STK32C: variants seen among roughly 807,000 people sequenced by gnomAD.
The protein encoded by STK32C is serine/threonine kinase 32C, also known as serine/threonine-protein kinase 32C.
STK32C carries 31 observed loss-of-function variants against 56.5 expected under a neutral mutation model. The observed-to-expected ratio is 0.55, with a 90% CI of 0.41 to 0.74. The LOEUF is 0.74. Among genes scored for constraint, STK32C ranks in the 30% least tolerant of loss-of-function variants. The pLI is 0.00. For missense variants in STK32C, 544 were observed against 676.9 expected, an observed-to-expected ratio of 0.80 and a Z score of 2.18; for synonymous variants, 309 against 289.4, an observed-to-expected ratio of 1.07 and a Z score of -0.69.
chr10:132,268,617 A>G (rs2064691523), intron 1 of STK32C, among the ~76,000 whole-genome samples: 1 of 137,338 alleles, frequency 7.3e-6, no homozygotes, highest in African/African-American at 2.8e-5. Flanking sequence ...GTGTGCATGC[A>G]TGTCCCACAT....
intron 10 of STK32C, among the ~76,000 whole-genome samples, chr10:132,214,971 T>C (rs979243919): frequency 1.3e-5 from 2 of 152,192 alleles, no homozygotes; most frequent in Non-Finnish European, 2.9e-5. Context: ...GAACAATAAA[T>C]AGACTACAGT....
chr10:132,308,059 G>A, upstream of STK32C: 1 of 645,946 alleles, frequency 1.5e-6, no homozygotes, highest in Non-Finnish European at 1.9e-6. Context: ...TCGAGGCGGA[G>A]CTGAGCGCCG....
intron 10 of STK32C, among the ~76,000 whole-genome samples, chr10:132,220,246 C>T (rs937968106): frequency 3.3e-5 from 5 of 152,332 alleles, no homozygotes; most frequent in African/African-American, 9.6e-5. Flanking sequence ...GCCGACCCCA[C>T]GCGGCAGCGA....
intron 1 of STK32C, chr10:132,249,114 C>CCGGGGCGGGGCTGTGGCGT (rs762265409): frequency 3.0e-4 from 141 of 465,236 alleles, no homozygotes; most frequent in Non-Finnish European, 4.9e-4. Context: ...CGCATGCGTG[C>CCGGGGCGGGGCTGTGGCGT]CGGGGCGGGG....
At chr10:132,254,138 T>C (rs2064018977) in intron 1 of STK32C, among the ~76,000 whole-genome samples, 2 of 151,962 alleles carry the variant, frequency 1.3e-5, no homozygotes, top group Non-Finnish European at 2.9e-5. Flanking sequence ...TGAAACCCCG[T>C]CTCTACTAAA....
intron 1 of STK32C, among the ~76,000 whole-genome samples, chr10:132,254,752 C>T (rs2818404): frequency 0.49 from 43,499 of 89,524 alleles, 13,261 homozygotes; most frequent in East Asian, 0.64. Flanking sequence ...TGCCGCAGGG[C>T]GCCGGGAATC....
intron 10 of STK32C, among the ~76,000 whole-genome samples, chr10:132,214,172 C>A (rs2062399026): frequency 6.7e-6 from 1 of 149,476 alleles, no homozygotes; most frequent in African/African-American, 2.5e-5. Context: ...CAGAGAACAC[C>A]AAGCAGAATG....
chr10:132,221,194 G>A (rs2062627471), intron 10 of STK32C, among the ~76,000 whole-genome samples: 2 of 151,648 alleles, frequency 1.3e-5, no homozygotes, highest in East Asian at 3.9e-4. Flanking sequence ...GGCTTCACGT[G>A]GCTGTCCCGG....
intron 2 of STK32C, among the ~76,000 whole-genome samples, chr10:132,243,092 C>G (rs982520932): frequency 6.6e-6 from 1 of 152,194 alleles, no homozygotes; most frequent in Non-Finnish European, 1.5e-5. Flanking sequence ...CAGAGAGACC[C>G]TGGGGCAGCG....
intron 11 of STK32C, 136 bp downstream of exon 11, chr10:132,208,898 G>T: frequency 1.3e-6 from 1 of 785,236 alleles, no homozygotes; most frequent in Non-Finnish European, 2.1e-6. Flanking sequence ...CATAGCTGCT[G>T]CTCAGAGTCC....
At chr10:132,212,580 A>G (rs1364333626) in intron 10 of STK32C, among the ~76,000 whole-genome samples, 1 of 152,262 alleles carries the variant, frequency 6.6e-6, no homozygotes, top group Non-Finnish European at 1.5e-5. Context: ...TCAAGGTCCA[A>G]GACTTCCCTG....
intron 1 of STK32C, among the ~76,000 whole-genome samples, chr10:132,329,262 A>T (rs1335914385): frequency 6.6e-6 from 1 of 152,126 alleles, no homozygotes; most frequent in African/African-American, 2.4e-5. Context: ...AAAAATACAA[A>T]AATTAGCCCA....
At chr10:132,288,123 T>C (rs549303276) in intron 1 of STK32C, among the ~76,000 whole-genome samples, 2 of 151,594 alleles carry the variant, frequency 1.3e-5, no homozygotes, top group Non-Finnish European at 2.9e-5. Flanking sequence ...TTTCAGCAAA[T>C]AGTGCTGGAC....
At chr10:132,292,396 A>T (rs1021911493) in intron 1 of STK32C, among the ~76,000 whole-genome samples, 1 of 151,834 alleles carries the variant, frequency 6.6e-6, no homozygotes, top group Non-Finnish European at 1.5e-5. Context: ...TGATACCCAC[A>T]CTCTCTCACC....
chr10:132,263,093 C>T (rs1270236834), intron 1 of STK32C, among the ~76,000 whole-genome samples: 2 of 152,194 alleles, frequency 1.3e-5, no homozygotes, highest in Non-Finnish European at 2.9e-5. Flanking sequence ...ATTATGGGTA[C>T]GTATCCAAAA....
At chr10:132,290,684 C>T (rs1181269434) in intron 1 of STK32C, among the ~76,000 whole-genome samples, 2 of 152,200 alleles carry the variant, frequency 1.3e-5, no homozygotes, top group South Asian at 2.1e-4. Flanking sequence ...CTGAGGCATC[C>T]CCCTGACCAC....
intron 11 of STK32C, among the ~76,000 whole-genome samples, 153 bp from the exon 12 acceptor site, chr10:132,208,304 G>A (rs2062167034): frequency 6.6e-6 from 1 of 152,244 alleles, no homozygotes; most frequent in Non-Finnish European, 1.5e-5. Context: ...CCATGCTCCC[G>A]ATACACTGGC....
chr10:132,237,194 G>A (rs1045816148), intron 2 of STK32C, among the ~76,000 whole-genome samples: 1 of 151,686 alleles, frequency 6.6e-6, no homozygotes, highest in African/African-American at 2.4e-5. Context: ...TCCCTGGACT[G>A]TGCTCCCTGG....
downstream of STK32C, among the ~76,000 whole-genome samples, chr10:132,321,757 G>A (rs1046981996): frequency 5.3e-5 from 8 of 152,324 alleles, no homozygotes; most frequent in Admixed American, 4.6e-4. Flanking sequence ...CCTGGGAGGC[G>A]GAGGGTTGGT....
Sources: gnomAD v4.1 joint callset for allele counts (sites outside exome capture counted in the v4.1 genomes callset) on GRCh38, gnomAD v4.1.1 for gene constraint, MANE v1.5 for transcripts, NCBI Gene and HGNC (gene_info 2026-07-23, HGNC 2026-07-21) for gene names.